Variants in PPP1R12B observed in about 807,000 individuals in gnomAD.
PPP1R12B encodes the protein protein phosphatase 1 regulatory subunit 12B.
In PPP1R12B, 76 loss-of-function variants were observed where a neutral mutation model predicts 126.1. The ratio of observed to expected loss-of-function variants is 0.60; its 90% CI spans 0.50 to 0.73. The LOEUF is 0.73. Ranked by LOEUF, PPP1R12B falls within the 30% of genes least tolerant of loss-of-function variation. The pLI is 0.00. For synonymous variants in PPP1R12B, 356 were observed against 434.7 expected (o/e 0.82, Z 2.25); for missense variants, 1,052 against 1,205.1 (o/e 0.87, Z 1.88).
At chr1:202,457,552 CAAAA>C (rs762009351) in intron 13 of PPP1R12B, among the ~76,000 whole-genome samples, 1 of 92,082 alleles carries the variant, frequency 1.1e-5, no homozygotes, top group Non-Finnish European at 2.2e-5. Flanking sequence ...GACTCCATCT[CAAAA>C]AAAAAAAAAA....
In PPP1R12B at chr1:202,588,214, G is replaced by C. The variant is rs980627036; in HGVS notation, c.*7654G>C. 2 of 152,530 alleles carry C rather than the reference G, an allele frequency of 1.3e-5. No individual in the cohort carries two copies. The highest frequency in any genetic ancestry group is 2.4e-5 in the African/African-American group (1 of 41,398). The allele number at this position is 152,530 out of a possible 1,614,324, so 9.4% of individuals were successfully genotyped here. A position where few individuals can be genotyped will look rare whatever the true frequency, so the allele number is the denominator to read the frequency against. ...TCCCATTTTAGTGGTAGCATTTTGT[G>C]TCTTTACTCCACCCTTCACCCTAGT... is the stretch of plus-strand genomic sequence containing the variant. On this transcript the variant is annotated 3_prime_UTR_variant, in exon 24 of 24. Transcript: ENST00000608999.
At chr1:202,442,657 A>G (rs1216481369) in intron 12 of PPP1R12B, 85 bp downstream of exon 12, 3 of 1,352,952 alleles carry the variant, frequency 2.2e-6, no homozygotes, top group Admixed American at 5.1e-5. Flanking sequence ...TTTATGTCCA[A>G]TTAACACCGC....
chr1:202,359,329 A>T (rs1657715406), intron 1 of PPP1R12B, among the ~76,000 whole-genome samples: 1 of 151,756 alleles, frequency 6.6e-6, no homozygotes, highest in Non-Finnish European at 1.5e-5. Context: ...AGGATTTCAC[A>T]TGTTGGCCAG....
chr1:202,562,925 A>G lies in PPP1R12B; in HGVS notation c.2652+3A>G. 4.5e-6 allele frequency: 7 copies of G among 1,561,126 alleles called. No individual in the cohort carries two copies. Among genetic ancestry groups the G allele is most frequent in the Non-Finnish European group, 6.0e-6 (7 of 1,158,468 alleles). ...ACAGCAACAGAGATTATAAAAAAGT[A>G]GGGTCTTTATTCAATTTTCCGGTTC... On this transcript the variant is annotated splice_donor_region_variant and intron_variant, in intron 20 of 23. Transcript: ENST00000608999.
In PPP1R12B at chr1:202,443,371, T is replaced by C. The variant is rs1335297935; in HGVS notation, c.1667+799T>C. Among the ~76,000 whole-genome samples, 3 of 152,376 alleles carry C rather than the reference T, an allele frequency of 2.0e-5. No individual in the cohort carries two copies. In the East Asian group the frequency reaches 5.8e-4, roughly 29 times the overall value. On this transcript the variant is annotated intron_variant, in intron 12 of 23. Transcript: ENST00000608999. ...CTTCATCATTAGGTTTTTTAGATGA[T>C]TGGTTGGCTACCTTAGAAACAGGCC...
chr1:202,351,239 G>GTTA, intron 1 of PPP1R12B, among the ~76,000 whole-genome samples: 1 of 143,902 alleles, frequency 6.9e-6, no homozygotes, highest in Non-Finnish European at 1.5e-5. Context: ...TGTTGTTGTT[G>GTTA]TTTAAAAAAA....
intron 13 of PPP1R12B, among the ~76,000 whole-genome samples, chr1:202,478,085 A>T (rs1194048535): frequency 2.6e-5 from 4 of 152,204 alleles, no homozygotes; most frequent in African/African-American, 7.2e-5. Context: ...ATTCAGATTC[A>T]TGGATGGCTG....
chr1:202,439,525 T>C, intron 10 of PPP1R12B: 1 of 1,531,262 alleles, frequency 6.5e-7, no homozygotes, highest in Non-Finnish European at 8.9e-7. Flanking sequence ...GCTGTTGCCT[T>C]GGGGGGTGTG....
intron 23 of PPP1R12B, among the ~76,000 whole-genome samples, chr1:202,579,214 C>T (rs894127598): frequency 4.6e-5 from 7 of 152,312 alleles, no homozygotes; most frequent in African/African-American, 1.7e-4. Flanking sequence ...TATATCTTCT[C>T]TGAGAGATCA....
intron 18 of PPP1R12B, chr1:202,502,146 C>T (rs1414347319): frequency 2.0e-6 from 2 of 985,086 alleles, no homozygotes; most frequent in Admixed American, 6.2e-5. Flanking sequence ...AGCAATGTAG[C>T]TGTCCCCATC....
intron 18 of PPP1R12B, among the ~76,000 whole-genome samples, chr1:202,548,870 C>G (rs1163673570): frequency 6.7e-6 from 1 of 148,180 alleles, no homozygotes; most frequent in East Asian, 2.0e-4. Context: ...TGATAAAACT[C>G]AGGACCTGTT....
intron 13 of PPP1R12B, among the ~76,000 whole-genome samples, chr1:202,451,787 G>T (rs183471469): frequency 6.6e-6 from 1 of 150,614 alleles, no homozygotes; most frequent in East Asian, 2.0e-4. Flanking sequence ...GGGGCGGCTG[G>T]CAGGGTGGGG....
intron 18 of PPP1R12B, among the ~76,000 whole-genome samples, chr1:202,524,123 CA>C (rs1258318641): frequency 1.3e-5 from 2 of 152,276 alleles, no homozygotes; most frequent in Non-Finnish European, 2.9e-5. Context: ...GAAATGATGA[CA>C]GGGGCTTGGA....
chr1:202,369,985 G>A (rs2696964), intron 1 of PPP1R12B: 151,921 of 156,260 alleles, frequency 0.97, 73,949 homozygotes, highest in East Asian at 1. Context: ...TTATCAAGAT[G>A]GGGTTTCACC....
At chr1:202,398,434 C>T (rs1384662328) in intron 1 of PPP1R12B, among the ~76,000 whole-genome samples, 12 of 152,218 alleles carry the variant, frequency 7.9e-5, no homozygotes, top group African/African-American at 2.7e-4. Flanking sequence ...CTTCACTGAA[C>T]TCTCTTCGTT....
chr1:202,486,081 C>T (rs1678079312), intron 13 of PPP1R12B, among the ~76,000 whole-genome samples: 7 of 152,124 alleles, frequency 4.6e-5, no homozygotes, highest in Admixed American at 4.6e-4. Context: ...GAGGTTTTGC[C>T]ATGTTGCCCA....
At chr1:202,458,656 CA>C (rs1183483490) in intron 13 of PPP1R12B, among the ~76,000 whole-genome samples, 1 of 152,092 alleles carries the variant, frequency 6.6e-6, no homozygotes, top group African/African-American at 2.4e-5. Context: ...TCTGGCTAGA[CA>C]AGCATAAACT....
intron 18 of PPP1R12B, among the ~76,000 whole-genome samples, chr1:202,514,488 A>G (rs1681885283): frequency 1.3e-5 from 2 of 152,166 alleles, no homozygotes; most frequent in Admixed American, 6.5e-5. Flanking sequence ...TGTCCTCGTC[A>G]TGAAATCTTT....
chr1:202,435,511 G>C (rs993017246), intron 9 of PPP1R12B, among the ~76,000 whole-genome samples: 2 of 152,118 alleles, frequency 1.3e-5, no homozygotes, highest in Non-Finnish European at 2.9e-5. Flanking sequence ...TATATCTTAT[G>C]ATGAGTAAAG....
Sources: gnomAD v4.1 joint callset for allele counts (sites outside exome capture counted in the v4.1 genomes callset) on GRCh38, gnomAD v4.1.1 for gene constraint, MANE v1.5 for transcripts, NCBI Gene and HGNC (gene_info 2026-07-23, HGNC 2026-07-21) for gene names.